The following DPYSL2 variants were observed in gnomAD, a reference collection of about 807,000 sequenced individuals.
DPYSL2 encodes dihydropyrimidinase-related protein 2.
A neutral mutation model predicts 69.9 loss-of-function variants in DPYSL2; 13 were observed. The ratio of observed to expected loss-of-function variants is 0.19; its 90% CI spans 0.12 to 0.30. The LOEUF (loss-of-function observed/expected upper bound fraction) is 0.30, where lower values mean the gene tolerates loss of function less well. Among genes scored for constraint, DPYSL2 ranks in the 10% least tolerant of loss-of-function variants. The probability of loss-of-function intolerance (pLI) is 1.00; values close to 1 mark genes in which losing one functional copy is unlikely to be tolerated. For missense variants in DPYSL2, 587 were observed against 918.9 expected, an observed-to-expected ratio of 0.64 and a Z score of 4.67; for synonymous variants, 326 against 359.1, an observed-to-expected ratio of 0.91 and a Z score of 1.04.
chr8:26,630,397 AGGGCTTTGTTCCG>A (rs1563417968), intron 7 of DPYSL2, among the ~76,000 whole-genome samples: 8 of 106,492 alleles, frequency 7.5e-5, no homozygotes, highest in Non-Finnish European at 1.1e-4. Context: ...CTTTGTTCCC[AGGGCTTTGTTCCG>A]CCCTGAAACA....
At chr8:26,577,665 G>C (rs1801383626) in intron 1 of DPYSL2, among the ~76,000 whole-genome samples, 1 of 150,900 alleles carries the variant, frequency 6.6e-6, no homozygotes, top group Admixed American at 6.6e-5. Flanking sequence ...GGCCGCGCCT[G>C]GGGCCGCCGC....
At chr8:26,536,585 C>T (rs1303808811) in intron 1 of DPYSL2, among the ~76,000 whole-genome samples, 1 of 152,078 alleles carries the variant, frequency 6.6e-6, no homozygotes, top group African/African-American at 2.4e-5. Flanking sequence ...AAGGGAGAAT[C>T]GCCTGAACCC....
In DPYSL2 at chr8:26,586,701, GC is replaced by G. The variant is rs1801612867; in HGVS notation, c.628+2719del. ...GGACGAGGGACATCCCCCTCTGAGT[GC>G]AGCACCTGGCCCAGGGAGCTCAGAA... On this transcript the variant is annotated intron_variant, in intron 3 of 13. Transcript: ENST00000521913. The surrounding 1 kb of genome is among the most constrained non-coding windows in gnomAD (Gnocchi z 4.7). Among the ~76,000 whole-genome samples, 1 of 152,208 alleles carries G rather than the reference GC, an allele frequency of 6.6e-6. No homozygotes were observed.
In DPYSL2 at chr8:26,624,622, A is replaced by G. The variant is rs1461997777; in HGVS notation, c.793+315A>G. On this transcript the variant is annotated intron_variant, in intron 4 of 13. Coordinates refer to ENST00000521913, the MANE Select transcript of DPYSL2 (RefSeq NM_001197293.3). The surrounding 1 kb of genome is among the most constrained non-coding windows in gnomAD (Gnocchi z 4.7). Reference sequence around the variant, plus strand: ...GCTCTCTAGCCAGGGTGGGGAGTTGAGGCTGCTGAGAGAGAGATTTACCCT... The same window carrying G: ...GCTCTCTAGCCAGGGTGGGGAGTTGGGGCTGCTGAGAGAGAGATTTACCCT... Among the ~76,000 whole-genome samples, 1 of 152,186 alleles carries G rather than the reference A, an allele frequency of 6.6e-6. No homozygotes were observed. Among genetic ancestry groups the G allele is most frequent in the Non-Finnish European group, 1.5e-5 (1 of 68,044 alleles).
At chr8:26,615,974 G>C (rs969278540) in intron 3 of DPYSL2, among the ~76,000 whole-genome samples, 4 of 152,112 alleles carry the variant, frequency 2.6e-5, no homozygotes, top group South Asian at 2.1e-4. Flanking sequence ...TATCTTCCTG[G>C]GGGTGTTTAT....
rs554214272 is a variant in DPYSL2, at chr8:26,591,353, G to A, written c.628+7370G>A. Among the ~76,000 whole-genome samples the A allele has an allele frequency of 6.6e-6, 1 of 152,358 alleles. No individual in the cohort carries two copies. Among genetic ancestry groups the A allele is most frequent in the Admixed American group, 6.5e-5 (1 of 15,308 alleles). The stretch of plus-strand genomic sequence containing the variant: ...TTTGGATGTGAGGGTCAGGCATTCA[G>A]TGGTCGGGTCTCAGGGTTCCTTATT... On this transcript the variant is annotated intron_variant, in intron 3 of 13. Coordinates refer to ENST00000521913, the MANE Select transcript of DPYSL2 (RefSeq NM_001197293.3). This position sits in a 1 kb window ranked among gnomAD's most constrained non-coding sequence, Gnocchi z 5.8.
Position 26,627,366 on chromosome 8 carries a change from T to C in DPYSL2, c.936+71T>C, listed in dbSNP as rs1016750094. The C allele has an allele frequency of 2.7e-6, 4 of 1,506,738 alleles. No individual in the cohort carries two copies. The African/African-American group carries it at 5.5e-5, about 21-fold the overall frequency. 93.3% of individuals were successfully genotyped at this position (1,506,738 alleles called of 1,614,324 possible). On this transcript the variant is annotated intron_variant, in intron 6 of 13. Coordinates refer to ENST00000521913, the MANE Select transcript of DPYSL2 (RefSeq NM_001197293.3). The surrounding 1 kb of genome is among the most constrained non-coding windows in gnomAD (Gnocchi z 6.9). ...AGAGGCAGGCTCAAGAAAGGGAAGC[T>C]GCATCTGTAGCTTAACACCAAGGTG...
Position 26,654,447 on chromosome 8 carries a change from T to C in DPYSL2, c.1942+1050T>C, listed in dbSNP as rs113787373. ...AGAATTTTTTTTCTTGGTGGTTGTA[T>C]GGGTTTTTAGAAAGTAACCTATGTC... is the stretch of plus-strand genomic sequence containing the variant. On this transcript the variant is annotated intron_variant, in intron 13 of 13. Coordinates refer to ENST00000521913, the MANE Select transcript of DPYSL2 (RefSeq NM_001197293.3). The surrounding 1 kb of genome is among the most constrained non-coding windows in gnomAD (Gnocchi z 5.0). Among the ~76,000 whole-genome samples, 523 of 152,326 alleles carry C rather than the reference T, an allele frequency of 3.4e-3. 1 individual carries two copies. The highest frequency in any genetic ancestry group is 0.011 in the African/African-American group (463 of 41,576).
intron 1 of DPYSL2, among the ~76,000 whole-genome samples, chr8:26,568,738 GAGTTCATAGTTACC>G (rs61205501): frequency 0.22 from 33,269 of 151,654 alleles, 4,531 homozygotes; most frequent in African/African-American, 0.38. Flanking sequence ...TACACTTTCA[GAGTTCATAGTTACC>G]CCTTTTCCTT....
At position 26,526,912 on chromosome 8, in the gene DPYSL2, A is replaced by G. The variant is rs552830129; in HGVS notation, c.354+12233A>G. 9.2e-5 allele frequency among the ~76,000 whole-genome samples: 14 copies of G among 152,356 alleles called. 1 individual carries two copies. Among genetic ancestry groups the G allele is most frequent in the African/African-American group, 3.1e-4 (13 of 41,584 alleles). ...GAGGGTGTCCTCTGGGTTGGGTGAT[A>G]TCAGAAAGTGGGGACAATCCTATGA... On this transcript the variant is annotated intron_variant, in intron 1 of 13. Coordinates refer to ENST00000521913, the MANE Select transcript of DPYSL2 (RefSeq NM_001197293.3).
chr8:26,579,664 G>T (rs1801441888), intron 1 of DPYSL2, among the ~76,000 whole-genome samples: 1 of 152,154 alleles, frequency 6.6e-6, no homozygotes, highest in South Asian at 2.1e-4. Context: ...TGTGCTCGGA[G>T]GATTTTCTAG....
rs1217867580 is a variant in DPYSL2, at chr8:26,641,857, C to G, written c.1127-1582C>G. Among the ~76,000 whole-genome samples, 1 of 152,204 alleles carries G rather than the reference C, an allele frequency of 6.6e-6. No individual in the cohort carries two copies. The highest frequency in any genetic ancestry group is 1.9e-4 in the East Asian group (1 of 5,194). ...TGAACAGCGAGTCCTTTGTGAAATT[C>G]CTGAGGCAGGAGGGGGCAGCTGTGC... On this transcript the variant is annotated intron_variant, in intron 8 of 13. Transcript: ENST00000521913. The surrounding 1 kb of genome is among the most constrained non-coding windows in gnomAD (Gnocchi z 4.1).
In DPYSL2 at chr8:26,597,008, C is replaced by T. The variant is rs1258290228; in HGVS notation, c.628+13025C>T. ...TTCAAGTTTTATCCTGCCCTTCCAT[C>T]CACCTGTTATTTAAAAGTACTTTTT... On this transcript the variant is annotated intron_variant, in intron 3 of 13. Transcript: ENST00000521913. This position sits in a 1 kb window ranked among gnomAD's most constrained non-coding sequence, Gnocchi z 5.2. 6.6e-6 allele frequency among the ~76,000 whole-genome samples: 1 copy of T among 152,210 alleles called. No individual in the cohort carries two copies. The highest frequency in any genetic ancestry group is 1.5e-5 in the Non-Finnish European group (1 of 68,040).
chr8:26,578,503 C>T, intron 1 of DPYSL2: 1 of 1,431,478 alleles, frequency 7.0e-7, no homozygotes, highest in Non-Finnish European at 9.1e-7. Context: ...AGGCATTAAA[C>T]AGGAGCGCGA....
At chr8:26,589,273 G>C (rs775635561) in intron 3 of DPYSL2, among the ~76,000 whole-genome samples, 6 of 152,230 alleles carry the variant, frequency 3.9e-5, no homozygotes, top group Non-Finnish European at 8.8e-5. Flanking sequence ...CCTGTGATCT[G>C]TGGCTGCTGT....
chr8:26,600,466 C>T (rs1182214384), intron 3 of DPYSL2, among the ~76,000 whole-genome samples: 1 of 152,142 alleles, frequency 6.6e-6, no homozygotes, highest in African/African-American at 2.4e-5. Flanking sequence ...TTGCTATTGT[C>T]TGTCGTTTTG....
At chr8:26,607,605 C>T (rs1165573810) in intron 3 of DPYSL2, among the ~76,000 whole-genome samples, 6 of 151,610 alleles carry the variant, frequency 4.0e-5, no homozygotes, top group South Asian at 2.1e-4. Flanking sequence ...GCCTGGGAAG[C>T]GTAGGGAGAC....
chr8:26,514,809 C>G lies in DPYSL2; in HGVS notation c.354+130C>G. The G allele has an allele frequency of 1.2e-6, 1 of 810,706 alleles. No homozygotes were observed. The highest frequency in any genetic ancestry group is 1.8e-6 in the Non-Finnish European group (1 of 568,838). 50.2% of individuals were successfully genotyped at this position (810,706 alleles called of 1,614,324 possible). ...CGCCTCCCGCATCTGCACGCGCACC[C>G]CGCCCTACCCGCCCCTTCTCCGCGC... is the stretch of plus-strand genomic sequence containing the variant. On this transcript the variant is annotated intron_variant, in intron 1 of 13. Coordinates refer to ENST00000521913, the MANE Select transcript of DPYSL2 (RefSeq NM_001197293.3). This position sits in a 1 kb window ranked among gnomAD's most constrained non-coding sequence, Gnocchi z 8.4.
chr8:26,603,855 C>A (rs1802049253), intron 3 of DPYSL2, among the ~76,000 whole-genome samples: 2 of 152,076 alleles, frequency 1.3e-5, no homozygotes, highest in South Asian at 4.1e-4. Context: ...TATATATAGA[C>A]CATATTCTGT....
Sources: allele counts gnomAD v4.1 joint callset (sites outside exome capture counted in the v4.1 genomes callset), GRCh38; gene constraint gnomAD v4.1.1; non-coding constraint Gnocchi (gnomAD v3.1); transcripts MANE v1.5; gene names NCBI Gene and HGNC (gene_info 2026-07-23, HGNC 2026-07-21).